The following VOPP1 variants were observed in gnomAD, a reference collection of about 807,000 sequenced individuals.
VOPP1 encodes VOPP1 WW domain binding protein.
VOPP1 carries 8 observed loss-of-function variants against 23.5 expected under a neutral mutation model. The observed-to-expected ratio is 0.34, with a 90% CI of 0.20 to 0.61. The LOEUF (loss-of-function observed/expected upper bound fraction) is 0.61, where lower values mean the gene tolerates loss of function less well. Among genes scored for constraint, VOPP1 ranks in the 20% least tolerant of loss-of-function variants. VOPP1 has a pLI of 0.78. For missense variants in VOPP1, 174 were observed against 238.1 expected (o/e 0.73, Z 1.77); for synonymous variants, 83 against 97.3 (o/e 0.85, Z 0.86).
At chr7:55,501,258 G>A (rs1382919066) in intron 2 of VOPP1, among the ~76,000 whole-genome samples, 1 of 152,270 alleles carries the variant, frequency 6.6e-6, no homozygotes, top group East Asian at 1.9e-4. Context: ...GAGGTGAAAG[G>A]ACGGCGTCGA....
chr7:55,507,122 G>T (rs892514498), intron 2 of VOPP1, among the ~76,000 whole-genome samples: 9 of 152,178 alleles, frequency 5.9e-5, no homozygotes, highest in Non-Finnish European at 1.3e-4. Context: ...ACTCAAACCA[G>T]GAGGTGGTTC....
intron 4 of VOPP1, among the ~76,000 whole-genome samples, chr7:55,442,657 A>C (rs1233160316): frequency 2.0e-5 from 3 of 152,054 alleles, no homozygotes; most frequent in Non-Finnish European, 1.5e-5. Flanking sequence ...TAGACCAAAA[A>C]AAAAAAAAAA....
chr7:55,495,627 C>T (rs1045311296), intron 3 of VOPP1, among the ~76,000 whole-genome samples: 2 of 152,254 alleles, frequency 1.3e-5, no homozygotes, highest in Admixed American at 6.5e-5. Context: ...AGTATCCACA[C>T]CTCATTATCT....
intron 1 of VOPP1, among the ~76,000 whole-genome samples, chr7:55,570,925 G>A (rs1333189001): frequency 6.6e-6 from 1 of 152,034 alleles, no homozygotes; most frequent in African/African-American, 2.4e-5. Flanking sequence ...CTGGGCCACA[G>A]AACGAGACTC....
chr7:55,457,177 GACA>G (rs1291283685), intron 4 of VOPP1, among the ~76,000 whole-genome samples: 1 of 152,038 alleles, frequency 6.6e-6, no homozygotes, highest in Non-Finnish European at 1.5e-5. Flanking sequence ...ATATATTGCT[GACA>G]ACATGTGATA....
chr7:55,554,257 A>C (rs1477366779), intron 1 of VOPP1, among the ~76,000 whole-genome samples: 1 of 152,196 alleles, frequency 6.6e-6, no homozygotes, highest in Non-Finnish European at 1.5e-5. Flanking sequence ...GTTCAGGGCA[A>C]GGGCTGTGGA....
chr7:55,517,001 A>AGTGGT (rs2129038832), intron 2 of VOPP1, among the ~76,000 whole-genome samples: 1 of 119,680 alleles, frequency 8.4e-6, no homozygotes, highest in East Asian at 2.9e-4. Context: ...GCTGGAGTAC[A>AGTGGT]GTGGTGTGGC....
chr7:55,560,471 G>T (rs1372899136), intron 1 of VOPP1, among the ~76,000 whole-genome samples: 1 of 152,182 alleles, frequency 6.6e-6, no homozygotes, highest in Non-Finnish European at 1.5e-5. Context: ...AGAATCGCTG[G>T]CTTTGAAGGG....
chr7:55,495,760 A>G (rs2129022586), intron 3 of VOPP1, among the ~76,000 whole-genome samples: 1 of 152,336 alleles, frequency 6.6e-6, no homozygotes, highest in East Asian at 1.9e-4. Flanking sequence ...GGGTGAACCC[A>G]GGTGCCCTTT....
At chr7:55,538,070 C>T (rs1406859391) in intron 1 of VOPP1, among the ~76,000 whole-genome samples, 1 of 152,220 alleles carries the variant, frequency 6.6e-6, no homozygotes, top group Non-Finnish European at 1.5e-5. Flanking sequence ...TGCCCTCTGC[C>T]TCTCCCACTT....
chr7:55,538,160 T>C (rs1796915961), intron 1 of VOPP1, among the ~76,000 whole-genome samples: 1 of 152,258 alleles, frequency 6.6e-6, no homozygotes, highest in Non-Finnish European at 1.5e-5. Context: ...ACCGCTCTCA[T>C]TGCAGAAGTG....
chr7:55,570,664 C>T (rs928772368), intron 1 of VOPP1, among the ~76,000 whole-genome samples: 7 of 152,088 alleles, frequency 4.6e-5, no homozygotes, highest in African/African-American at 1.7e-4. Flanking sequence ...ATTGCAGGGC[C>T]GGGCGCGGTG....
chr7:55,544,067 T>C (rs570279379), intron 1 of VOPP1, among the ~76,000 whole-genome samples: 1 of 152,342 alleles, frequency 6.6e-6, no homozygotes, highest in South Asian at 2.1e-4. Flanking sequence ...TTTAAGTCTT[T>C]GATTTTGAGT....
chr7:55,527,527 A>C (rs187508766), intron 1 of VOPP1, among the ~76,000 whole-genome samples: 1 of 152,108 alleles, frequency 6.6e-6, no homozygotes, highest in Non-Finnish European at 1.5e-5. Context: ...AATTCTGTCA[A>C]CTCTCCTAGA....
chr7:55,518,094 G>A lies in VOPP1; in HGVS notation c.113+2978C>T, dbSNP rs1458915411. Among the ~76,000 whole-genome samples the A allele has an allele frequency of 2.0e-5, 3 of 152,168 alleles. No individual in the cohort carries two copies. The East Asian group carries it at 5.8e-4, about 29-fold the overall frequency. On this transcript the variant is annotated intron_variant, in intron 2 of 4. Coordinates refer to ENST00000285279, the MANE Select transcript of VOPP1 (RefSeq NM_030796.5). ...AGAGAGGTGAGCTGGCCTTGGGTAGGTTATGTTCTTATGGGACTTCTGCAC... is the reference window on the plus strand; with the variant it reads ...AGAGAGGTGAGCTGGCCTTGGGTAGATTATGTTCTTATGGGACTTCTGCAC...
chr7:55,555,901 A>C (rs1455778741), intron 1 of VOPP1, among the ~76,000 whole-genome samples: 1 of 152,220 alleles, frequency 6.6e-6, no homozygotes, highest in African/African-American at 2.4e-5. Flanking sequence ...CAAAGCAAAT[A>C]AATATAAACG....
At chr7:55,465,028 G>C (rs1791599402) in intron 4 of VOPP1, among the ~76,000 whole-genome samples, 1 of 152,196 alleles carries the variant, frequency 6.6e-6, no homozygotes, top group Non-Finnish European at 1.5e-5. Context: ...GCTCCGAGCT[G>C]ATTGCAGCTG....
At chr7:55,492,599 C>T (rs1291535107) in intron 3 of VOPP1, among the ~76,000 whole-genome samples, 181 bp from the exon 4 acceptor site, 2 of 152,158 alleles carry the variant, frequency 1.3e-5, no homozygotes, top group African/African-American at 4.8e-5. Flanking sequence ...CTCTTGGGCC[C>T]ATTTTACCCA....
At chr7:55,528,427 A>G (rs1796311653) in intron 1 of VOPP1, among the ~76,000 whole-genome samples, 1 of 152,252 alleles carries the variant, frequency 6.6e-6, no homozygotes, top group African/African-American at 2.4e-5. Context: ...TTTACTTTAA[A>G]ATGCAGACCA....
Sources: gnomAD v4.1 joint callset for allele counts (sites outside exome capture counted in the v4.1 genomes callset) on GRCh38, gnomAD v4.1.1 for gene constraint, MANE v1.5 for transcripts, NCBI Gene and HGNC (gene_info 2026-07-23, HGNC 2026-07-21) for gene names.